NAA11: variants seen among roughly 807,000 people sequenced by gnomAD.
NAA11 encodes the protein N-alpha-acetyltransferase 11.
In NAA11, 15 loss-of-function variants were observed where a neutral mutation model predicts 16.1. The ratio of observed to expected loss-of-function variants is 0.93; its 90% CI spans 0.62 to 1.44. The LOEUF is 1.44. Among genes scored for constraint, NAA11 ranks in the 40% most tolerant of loss-of-function variants. The pLI is 0.00. For synonymous variants in NAA11, 122 were observed against 112.4 expected (o/e 1.09, Z -0.54); for missense variants, 298 against 291.3 (o/e 1.02, Z -0.17).
the NAA11 span, among the ~76,000 whole-genome samples, chr4:79,217,799 A>G: frequency 6.6e-6 from 1 of 152,192 alleles, no homozygotes; most frequent in African/African-American, 2.4e-5. Context: ...TTGACAGGAT[A>G]TTATAATTAC....
the NAA11 span, among the ~76,000 whole-genome samples, chr4:79,167,266 T>TAGAGAGAGAG: frequency 4.2e-5 from 5 of 119,306 alleles, no homozygotes; most frequent in African/African-American, 1.8e-4. Flanking sequence ...TATATATATA[T>TAGAGAGAGAG]ATATAGAGAG....
At chr4:79,261,777 T>G (rs1224916627) in intron 2 of NAA11, among the ~76,000 whole-genome samples, 1 of 152,316 alleles carries the variant, frequency 6.6e-6, no homozygotes, top group East Asian at 1.9e-4. Flanking sequence ...GGAATTTTCC[T>G]TTAAACAATG....
At chr4:79,258,327 C>T (rs536342679) in intron 2 of NAA11, among the ~76,000 whole-genome samples, 10 of 152,380 alleles carry the variant, frequency 6.6e-5, no homozygotes, top group South Asian at 2.1e-4. Context: ...ACCCAAGCAT[C>T]GTTGCACTTT....
At chr4:79,265,007 A>C (rs1722313274) in intron 2 of NAA11, among the ~76,000 whole-genome samples, 1 of 152,168 alleles carries the variant, frequency 6.6e-6, no homozygotes, top group South Asian at 2.1e-4. Context: ...CTGGACTTAA[A>C]GTGTCTAAAC....
chr4:79,290,617 C>T (rs553682401), intron 2 of NAA11, among the ~76,000 whole-genome samples: 3 of 152,236 alleles, frequency 2.0e-5, no homozygotes, highest in Admixed American at 6.5e-5. Flanking sequence ...AGGCACTCTC[C>T]CAGGCATTGC....
intron 2 of NAA11, among the ~76,000 whole-genome samples, chr4:79,228,512 A>C (rs6853888): frequency 0.12 from 18,186 of 151,892 alleles, 1,332 homozygotes; most frequent in African/African-American, 0.19. Flanking sequence ...CACCCACTTT[A>C]TGTCCCTAAC....
At chr4:79,238,962 T>C (rs530252560) in intron 2 of NAA11, among the ~76,000 whole-genome samples, 48 of 152,350 alleles carry the variant, frequency 3.2e-4, no homozygotes, top group African/African-American at 1.2e-3. Context: ...TCCCATAGTA[T>C]GGTATTGTTG....
downstream of NAA11, among the ~76,000 whole-genome samples, chr4:79,315,438 C>G (rs1016946009): frequency 2.2e-4 from 34 of 152,116 alleles, 3 homozygotes; most frequent in Non-Finnish European, 5.9e-5. Context: ...CAGACTCTAA[C>G]TAGGAACTCA....
At chr4:79,205,484 T>G in the NAA11 span, among the ~76,000 whole-genome samples, 2 of 152,104 alleles carry the variant, frequency 1.3e-5, no homozygotes, top group Non-Finnish European at 1.5e-5. Flanking sequence ...CTGATTTGTT[T>G]CAGTTCCTTG....
chr4:79,194,290 C>A, the NAA11 span, among the ~76,000 whole-genome samples: 7 of 152,036 alleles, frequency 4.6e-5, no homozygotes, highest in Admixed American at 1.3e-4. Flanking sequence ...TTGATTATTC[C>A]TTTGCATGAG....
chr4:79,186,416 A>T, the NAA11 span, among the ~76,000 whole-genome samples: 2,341 of 152,270 alleles, frequency 0.015, 28 homozygotes, highest in Middle Eastern at 0.027. Flanking sequence ...TCACCAGATG[A>T]TAGGGGAAAA....
chr4:79,193,918 G>A, the NAA11 span, among the ~76,000 whole-genome samples: 2 of 152,098 alleles, frequency 1.3e-5, no homozygotes, highest in African/African-American at 2.4e-5. Flanking sequence ...GTGGTTTGTA[G>A]TTCTCCTTGA....
At chr4:79,202,124 A>G in the NAA11 span, among the ~76,000 whole-genome samples, 1 of 151,304 alleles carries the variant, frequency 6.6e-6, no homozygotes, top group Non-Finnish European at 1.5e-5. Context: ...TCTACTCTCT[A>G]TTTCCATGAG....
At chr4:79,167,923 C>T in the NAA11 span, among the ~76,000 whole-genome samples, 1 of 151,916 alleles carries the variant, frequency 6.6e-6, no homozygotes, top group South Asian at 2.1e-4. Flanking sequence ...GCAGAACGTG[C>T]AGGTTTGTTA....
intron 2 of NAA11, among the ~76,000 whole-genome samples, chr4:79,264,612 C>T (rs1223080931): frequency 6.6e-6 from 1 of 152,210 alleles, no homozygotes; most frequent in Non-Finnish European, 1.5e-5. Context: ...GGCCAGATCT[C>T]ATGTGTACTT....
At chr4:79,256,915 A>C (rs1030539052) in intron 2 of NAA11, among the ~76,000 whole-genome samples, 2 of 151,972 alleles carry the variant, frequency 1.3e-5, no homozygotes, top group Non-Finnish European at 2.9e-5. Flanking sequence ...CTGGGATTAC[A>C]GACATGAGCC....
chr4:79,248,870 G>T (rs1003219255), intron 2 of NAA11, among the ~76,000 whole-genome samples: 2 of 152,110 alleles, frequency 1.3e-5, no homozygotes, highest in African/African-American at 4.8e-5. Flanking sequence ...CATGCACTCC[G>T]CCATGCTGCC....
chr4:79,294,198 C>T (rs1210440924), intron 1 of NAA11: 1 of 152,212 alleles, frequency 6.6e-6, no homozygotes, highest in African/African-American at 2.4e-5. Context: ...GAGCCCATTT[C>T]TAAATTTTAA....
At chr4:79,160,678 C>A in the NAA11 span, among the ~76,000 whole-genome samples, 1 of 151,922 alleles carries the variant, frequency 6.6e-6, no homozygotes, top group African/African-American at 2.4e-5. Flanking sequence ...TTATTTAAAT[C>A]TTTTGCCCAT....
Sources: allele counts gnomAD v4.1 joint callset (sites outside exome capture counted in the v4.1 genomes callset), GRCh38; gene constraint gnomAD v4.1.1; transcripts MANE v1.5; gene names NCBI Gene and HGNC (gene_info 2026-07-23, HGNC 2026-07-21).